STAG2: variants seen among roughly 807,000 people sequenced by gnomAD.
STAG2 encodes STAG2 cohesin complex component, also known as cohesin subunit SA-2.
A neutral mutation model predicts 108.1 loss-of-function variants in STAG2; 14 were observed. That is an observed-to-expected ratio of 0.13 (90% CI 0.09 to 0.20). The LOEUF is 0.20. STAG2 is among the 10% of genes least tolerant of loss of function. The pLI is 1.00. For synonymous variants in STAG2, 307 were observed against 302.7 expected (o/e 1.01, Z -0.15); for missense variants, 440 against 940.9 (o/e 0.47, Z 6.96).
At chrX:124,013,635 T>C (rs1375995339) in intron 1 of STAG2, among the ~76,000 whole-genome samples, 3 of 111,508 alleles carry the variant, frequency 2.7e-5, no homozygotes, top group African/African-American at 9.8e-5. Flanking sequence ...TCAACTATAA[T>C]ATGGTATCCA....
chrX:123,964,250 C>CA (rs55860920), intron 1 of STAG2, among the ~76,000 whole-genome samples: 17,806 of 82,845 alleles, frequency 0.21, 1,269 homozygotes, highest in South Asian at 0.42. Flanking sequence ...GCAAAACTTT[C>CA]AAAAAAAAAA....
chrX:124,088,691 C>T lies in STAG2; in HGVS notation c.3278-1884C>T, dbSNP rs192446327. 3.1e-4 allele frequency among the ~76,000 whole-genome samples: 32 copies of T among 104,276 alleles called. No homozygotes were observed. In the East Asian group the frequency reaches 8.1e-3, roughly 26 times the overall value. The allele number at this position is 104,276 out of a possible 115,157, so 90.6% of individuals were successfully genotyped here. A position where few individuals can be genotyped will look rare whatever the true frequency, so the allele number is the denominator to read the frequency against. On this transcript the variant is annotated intron_variant, in intron 30 of 34. Coordinates refer to ENST00000371145, the MANE Select transcript of STAG2 (RefSeq NM_001042750.2). Reference sequence around the variant, plus strand: ...GTGCAATGGTGTGATGTTGGCTCACCGCAACCTCCCCCTCCCTTGTTCAAG... The same window carrying T: ...GTGCAATGGTGTGATGTTGGCTCACTGCAACCTCCCCCTCCCTTGTTCAAG...
In STAG2 at chrX:124,056,160, G is replaced by A; in HGVS notation, c.1229G>A (p.Cys410Tyr). 1.7e-6 allele frequency: 2 copies of A among 1,207,504 alleles called. No individual in the cohort carries two copies. The highest frequency in any genetic ancestry group is 2.2e-6 in the Non-Finnish European group (2 of 893,112). The change falls in exon 14 of 35, where the codon TGT becomes TAT. Residue 410 changes from cysteine (C) to tyrosine (Y), a missense_variant. Transcript: ENST00000371145. The part of the protein sequence containing the change: ...SSEEVLTAED[C>Y]ENVYHLVYSA... ...GAAGAAGTTCTCACTGCAGAAGATT[G>A]TGAAAATGTCTATCATCTGGTTTAT...
At position 124,048,170 on chromosome X, in the gene STAG2, C is replaced by T. The variant is rs190271129; in HGVS notation, c.819+665C>T. Reference sequence around the variant, plus strand: ...ATTCAGTAGTTATCATGGTTATCTACGAATTATTGACCTGATCTTGAATTT... The same window carrying T: ...ATTCAGTAGTTATCATGGTTATCTATGAATTATTGACCTGATCTTGAATTT... On this transcript the variant is annotated intron_variant, in intron 9 of 34. Coordinates refer to ENST00000371145, the MANE Select transcript of STAG2 (RefSeq NM_001042750.2). 4.6e-3 allele frequency among the ~76,000 whole-genome samples: 515 copies of T among 111,279 alleles called. 2 individuals carry two copies. Among genetic ancestry groups the T allele is most frequent in the African/African-American group, 0.016 (481 of 30,664 alleles).
At chrX:124,030,833 T>A (rs1369787558) in intron 4 of STAG2, 128 bp from the exon 5 acceptor site, 1 of 671,077 alleles carries the variant, frequency 1.5e-6, no homozygotes, top group Admixed American at 4.7e-5. Context: ...CATTTTGTTA[T>A]AAGTGGATGG....
intron 4 of STAG2, among the ~76,000 whole-genome samples, chrX:124,027,397 T>TA (rs1325008751): frequency 1.8e-5 from 2 of 112,510 alleles, no homozygotes; most frequent in Non-Finnish European, 3.7e-5. Flanking sequence ...AATATTAACT[T>TA]ACGGCTATCC....
chrX:124,027,692 A>G (rs1441877469), intron 4 of STAG2, among the ~76,000 whole-genome samples: 3 of 111,958 alleles, frequency 2.7e-5, no homozygotes, highest in Non-Finnish European at 3.8e-5. Context: ...TCACATGTTA[A>G]TCTAATATTT....
chrX:124,048,515 A>G (rs746949391), intron 9 of STAG2, among the ~76,000 whole-genome samples: 12 of 111,500 alleles, frequency 1.1e-4, no homozygotes, highest in African/African-American at 3.3e-5. Flanking sequence ...GCTGACTGCA[A>G]CCTCTGCCTC....
chrX:124,029,739 G>A (rs966087339), intron 4 of STAG2, among the ~76,000 whole-genome samples: 1 of 112,280 alleles, frequency 8.9e-6, no homozygotes, highest in Non-Finnish European at 1.9e-5. Context: ...TTTCTAGATC[G>A]TAGAGATGTG....
Position 124,078,240 on chromosome X carries a change from T to C in STAG2, c.2775+182T>C, listed in dbSNP as rs1483254379. 3.6e-5 allele frequency among the ~76,000 whole-genome samples: 4 copies of C among 112,284 alleles called. No homozygotes were observed. The Admixed American group carries it at 3.8e-4, about 11-fold the overall frequency. On this transcript the variant is annotated intron_variant, in intron 27 of 34. Coordinates refer to ENST00000371145, the MANE Select transcript of STAG2 (RefSeq NM_001042750.2). ...TGTCAAGATTGGCAAAACCTATAGCTATCTAAGGTATGGAGGAAATATAGA... is the reference window on the plus strand; with the variant it reads ...TGTCAAGATTGGCAAAACCTATAGCCATCTAAGGTATGGAGGAAATATAGA...
chrX:123,980,256 T>C (rs1334943880), intron 1 of STAG2, among the ~76,000 whole-genome samples: 1 of 111,462 alleles, frequency 9.0e-6, no homozygotes, highest in African/African-American at 3.3e-5. Flanking sequence ...GGGATCATTA[T>C]GCATAGTGTA....
At chrX:123,971,000 A>C (rs1403011488) in intron 1 of STAG2, among the ~76,000 whole-genome samples, 1 of 111,902 alleles carries the variant, frequency 8.9e-6, no homozygotes, top group African/African-American at 3.2e-5. Flanking sequence ...GCATGCTGAG[A>C]TAATAGCAGA....
At chrX:124,047,539 G>A (rs910133553) in intron 9 of STAG2, 34 bp downstream of exon 9, 1 of 1,156,452 alleles carries the variant, frequency 8.6e-7, no homozygotes, top group Non-Finnish European at 1.2e-6. Flanking sequence ...AGGCTATTGT[G>A]TGACCAACTT....
chrX:124,075,556 G>A (rs1468627246), intron 25 of STAG2, among the ~76,000 whole-genome samples: 1 of 111,859 alleles, frequency 8.9e-6, no homozygotes, highest in Non-Finnish European at 1.9e-5. Flanking sequence ...TTATAGGTGT[G>A]AGCCACCACA....
chrX:123,982,854 A>G (rs983908675), intron 1 of STAG2, among the ~76,000 whole-genome samples: 45 of 106,028 alleles, frequency 4.2e-4, no homozygotes, highest in African/African-American at 1.5e-3. Context: ...TTAGGTAGCA[A>G]TACTTCTATA....
rs1273831985 is a variant in STAG2 at position 123,998,633 on chromosome X, T to TCTAA, written c.-162-22727_-162-22724dup. Among the ~76,000 whole-genome samples the TCTAA allele has an allele frequency of 2.9e-3, 244 of 83,747 alleles. 1 individual carries two copies. The highest frequency in any genetic ancestry group is 0.016 in the Middle Eastern group (2 of 128). 72.7% of individuals were successfully genotyped at this position (83,747 alleles called of 115,157 possible). On this transcript the variant is annotated intron_variant, in intron 1 of 34. Coordinates refer to ENST00000371145, the MANE Select transcript of STAG2 (RefSeq NM_001042750.2). ...ATCTATCTATCTATCTATCTATCTA[T>TCTAA]CTAACTAACTGATGGCCTTCGTAAT...
chrX:123,971,996 T>C (rs1459657475), intron 1 of STAG2, among the ~76,000 whole-genome samples: 1 of 112,068 alleles, frequency 8.9e-6, no homozygotes, highest in Non-Finnish European at 1.9e-5. Flanking sequence ...AAAGCTATTT[T>C]ATATTTCTGG....
In STAG2 at chrX:124,086,599, G is replaced by A. The variant is rs2148465266; in HGVS notation, c.3106G>A (p.Asp1036Asn). 1 of 1,210,185 alleles carries A rather than the reference G, an allele frequency of 8.3e-7. No individual in the cohort carries two copies. Among genetic ancestry groups the A allele is most frequent in the Admixed American group, 2.2e-5 (1 of 45,825 alleles). The change falls in exon 30 of 35, where the codon GAT becomes AAT. Residue 1036 changes from aspartate to asparagine, a missense_variant. Transcript: ENST00000371145. ...CTTTCAGATGTCACTCCGAAGAGAG[G>A]ATGTGTGGCTTCCACTGATGTCTTA... Reference protein sequence around the residue: ...MTFQMSLRREDVWLPLMSYRN... With the variant: ...MTFQMSLRRENVWLPLMSYRN...
In STAG2 at chrX:124,089,060, C is replaced by T. The variant is rs987531857; in HGVS notation, c.3278-1515C>T. Among the ~76,000 whole-genome samples the T allele has an allele frequency of 6.4e-5, 7 of 108,536 alleles. No individual in the cohort carries two copies. In the East Asian group the frequency reaches 1.2e-3, roughly 18 times the overall value. The allele number at this position is 108,536 out of a possible 115,157, so 94.3% of individuals were successfully genotyped here. Reference sequence around the variant, plus strand: ...CCTCCCAAGTAGCTGGGATTACAAGCGCCCGCCACCGCACCTGGCTAATTT... The same window carrying T: ...CCTCCCAAGTAGCTGGGATTACAAGTGCCCGCCACCGCACCTGGCTAATTT... On this transcript the variant is annotated intron_variant, in intron 30 of 34. Coordinates refer to ENST00000371145, the MANE Select transcript of STAG2 (RefSeq NM_001042750.2).
Sources: gnomAD v4.1 joint callset for allele counts (sites outside exome capture counted in the v4.1 genomes callset) on GRCh38, gnomAD v4.1.1 for gene constraint, MANE v1.5 for transcripts, NCBI Gene and HGNC (gene_info 2026-07-23, HGNC 2026-07-21) for gene names.